Variants in LRBA observed in about 807,000 individuals in gnomAD.
The protein encoded by LRBA is lipopolysaccharide-responsive and beige-like anchor protein.
LRBA carries 176 observed loss-of-function variants against 330.0 expected under a neutral mutation model. That is an observed-to-expected ratio of 0.53 (90% CI 0.47 to 0.60). LRBA has a LOEUF of 0.60. Ranked by LOEUF, LRBA falls within the 20% of genes least tolerant of loss-of-function variation. The pLI, the probability that LRBA is intolerant of heterozygous loss-of-function variation, is 0.00. For synonymous variants in LRBA, 1,230 were observed against 1,193.0 expected, an observed-to-expected ratio of 1.03 and a Z score of -0.64; for missense variants, 3,259 against 3,444.8, an observed-to-expected ratio of 0.95 and a Z score of 1.35.
At chr4:150,827,146 A>G (rs959099739) in intron 30 of LRBA, among the ~76,000 whole-genome samples, 3 of 152,194 alleles carry the variant, frequency 2.0e-5, no homozygotes, top group Non-Finnish European at 2.9e-5. Context: ...CATCCAAACC[A>G]CTATTAGATG....
At position 150,703,033 on chromosome 4, in the gene LRBA, C is replaced by T. The variant is rs375987140; in HGVS notation, c.5755-19316G>A. On this transcript the variant is annotated intron_variant, in intron 36 of 56. Coordinates refer to ENST00000651943, the MANE Select transcript of LRBA (RefSeq NM_001364905.1). ...AAAATTAGCCAGGCGTCATAGTGGA[C>T]GCCTGTGATCCCAGCTACTCGGGAG... Among the ~76,000 whole-genome samples the T allele has an allele frequency of 3.3e-5, 5 of 152,220 alleles. No homozygotes were observed. The East Asian group carries it at 5.8e-4, about 18-fold the overall frequency.
At chr4:150,853,004 T>A (rs1378887832) in intron 22 of LRBA, 61 bp from the exon 23 acceptor site, 15 of 903,734 alleles carry the variant, frequency 1.7e-5, no homozygotes, top group Non-Finnish European at 2.2e-5. Context: ...GAATACAAAA[T>A]ATAAAACTAA....
chr4:150,328,881 A>G (rs1247802585), intron 48 of LRBA, among the ~76,000 whole-genome samples: 1 of 152,184 alleles, frequency 6.6e-6, no homozygotes, highest in African/African-American at 2.4e-5. Flanking sequence ...CATCTTTATT[A>G]TAGATACAAA....
intron 35 of LRBA, among the ~76,000 whole-genome samples, chr4:150,760,138 CATAT>C (rs1734875625): frequency 6.6e-6 from 1 of 152,074 alleles, no homozygotes; most frequent in Admixed American, 6.5e-5. Context: ...CCTCTTTTTC[CATAT>C]ATAAACTTCA....
intron 45 of LRBA, 54 bp from the exon 46 acceptor site, chr4:150,435,762 GT>G: frequency 1.4e-6 from 2 of 1,481,148 alleles, no homozygotes; most frequent in Non-Finnish European, 1.8e-6. Flanking sequence ...TAAAAATGTG[GT>G]TTTTATAAAT....
At chr4:150,629,312 C>T (rs1425323246) in intron 37 of LRBA, among the ~76,000 whole-genome samples, 2 of 152,228 alleles carry the variant, frequency 1.3e-5, no homozygotes, top group African/African-American at 4.8e-5. Flanking sequence ...GTATAAACTA[C>T]AACGGCCCAC....
intron 48 of LRBA, among the ~76,000 whole-genome samples, chr4:150,345,258 C>T (rs1254468806): frequency 6.6e-6 from 1 of 152,148 alleles, no homozygotes; most frequent in Non-Finnish European, 1.5e-5. Context: ...GGGACTTTGC[C>T]TTTCAACCCT....
intron 37 of LRBA, among the ~76,000 whole-genome samples, chr4:150,622,436 G>T (rs559601782): frequency 6.6e-6 from 1 of 152,248 alleles, no homozygotes; most frequent in South Asian, 2.1e-4. Context: ...TACTTGAGAG[G>T]CTAAAGCAGG....
At chr4:150,319,835 C>T (rs1732242754) in intron 50 of LRBA, among the ~76,000 whole-genome samples, 1 of 152,058 alleles carries the variant, frequency 6.6e-6, no homozygotes, top group Non-Finnish European at 1.5e-5. Context: ...CAATTCTGTT[C>T]CCTTGTGAAA....
At chr4:150,523,197 T>G (rs765114586) in intron 40 of LRBA, among the ~76,000 whole-genome samples, 4 of 152,244 alleles carry the variant, frequency 2.6e-5, no homozygotes, top group Admixed American at 6.5e-5. Flanking sequence ...GAGGTTGACA[T>G]GTATTTTGCG....
intron 40 of LRBA, among the ~76,000 whole-genome samples, chr4:150,512,982 A>G (rs1411192987): frequency 6.6e-6 from 1 of 152,246 alleles, no homozygotes; most frequent in Non-Finnish European, 1.5e-5. Flanking sequence ...GCAAAAAGTC[A>G]TAGGCTATGT....
intron 42 of LRBA, among the ~76,000 whole-genome samples, chr4:150,477,047 G>T (rs571202469): frequency 3.7e-4 from 56 of 152,122 alleles, no homozygotes; most frequent in Non-Finnish European, 5.9e-4. Flanking sequence ...TAAACCAAAA[G>T]GAGTAGCTCA....
intron 17 of LRBA, among the ~76,000 whole-genome samples, chr4:150,892,456 T>A (rs986444675): frequency 2.6e-5 from 4 of 152,182 alleles, no homozygotes; most frequent in Admixed American, 6.5e-5. Context: ...GCTCTCTTTC[T>A]CTCTCTGCTA....
intron 17 of LRBA, among the ~76,000 whole-genome samples, chr4:150,888,479 G>C (rs1217171278): frequency 6.6e-6 from 1 of 152,122 alleles, no homozygotes; most frequent in Admixed American, 6.5e-5. Context: ...AGGCGCTTAT[G>C]TATATACAGA....
chr4:150,534,902 GGTTT>G, intron 40 of LRBA, among the ~76,000 whole-genome samples: 1 of 152,224 alleles, frequency 6.6e-6, no homozygotes, highest in Middle Eastern at 3.4e-3. Context: ...ATGTGACAGA[GGTTT>G]TGTTTCAGTG....
In LRBA at chr4:150,694,873, T is replaced by C. The variant is rs182103728; in HGVS notation, c.5755-11156A>G. Among the ~76,000 whole-genome samples the C allele has an allele frequency of 6.6e-4, 101 of 152,360 alleles. 1 individual carries two copies. The East Asian group carries it at 0.014, about 21-fold the overall frequency. ...GATTAATATAGGTTATTCTATTTTTTTGCTTCACACTTTTGGTAATAAAAA... is the reference window on the plus strand; with the variant it reads ...GATTAATATAGGTTATTCTATTTTTCTGCTTCACACTTTTGGTAATAAAAA... On this transcript the variant is annotated intron_variant, in intron 36 of 56. Coordinates refer to ENST00000651943, the MANE Select transcript of LRBA (RefSeq NM_001364905.1).
At chr4:150,768,778 G>A (rs187242580) in intron 34 of LRBA, among the ~76,000 whole-genome samples, 63 of 151,900 alleles carry the variant, frequency 4.1e-4, no homozygotes, top group Admixed American at 1.9e-3. Context: ...CAAACAGGCA[G>A]AGGAGAAAAA....
chr4:150,639,975 G>C (rs1031585525), intron 37 of LRBA, among the ~76,000 whole-genome samples: 1 of 148,064 alleles, frequency 6.8e-6, no homozygotes, highest in Non-Finnish European at 1.5e-5. Flanking sequence ...TTTTGCCTCA[G>C]CCTCCCAAGT....
intron 15 of LRBA, among the ~76,000 whole-genome samples, chr4:150,897,342 C>T (rs1388534371): frequency 1.3e-5 from 2 of 151,948 alleles, no homozygotes; most frequent in African/African-American, 4.8e-5. Flanking sequence ...CTTCTAAAGG[C>T]TCATACACCT....
Sources: gnomAD v4.1 joint callset for allele counts (sites outside exome capture counted in the v4.1 genomes callset) on GRCh38, gnomAD v4.1.1 for gene constraint, MANE v1.5 for transcripts, NCBI Gene and HGNC (gene_info 2026-07-23, HGNC 2026-07-21) for gene names.